PFN1: variants seen among roughly 807,000 people sequenced by gnomAD.
PFN1 encodes profilin-1.
In PFN1, 2 loss-of-function variants were observed where a neutral mutation model predicts 11.7. The observed-to-expected ratio is 0.17, with a 90% CI of 0.07 to 0.54. PFN1 has a LOEUF of 0.54. Among genes scored for constraint, PFN1 ranks in the 20% least tolerant of loss-of-function variants. PFN1 has a pLI of 0.94. For missense variants in PFN1, 97 were observed against 188.4 expected (o/e 0.51, Z 2.84); for synonymous variants, 78 against 76.2 (o/e 1.02, Z -0.12).
In PFN1 at chr17:4,945,713, C is replaced by CAA; in HGVS notation, c.*186_*187insTT. ...CCCCAAAAAACAAAAGTTTTCCAAC[C>CAA]ACACACGGGAGGGATATGGGTAGGG... On this transcript the variant is annotated 3_prime_UTR_variant, in exon 3 of 3. Coordinates refer to ENST00000225655, the MANE Select transcript of PFN1 (RefSeq NM_005022.4). 2 of 475,974 alleles carry CAA rather than the reference C, an allele frequency of 4.2e-6. No individual in the cohort carries two copies. The highest frequency in any genetic ancestry group is 8.4e-5 in the South Asian group (2 of 23,946). 29.5% of individuals were successfully genotyped at this position (475,974 alleles called of 1,614,324 possible). A position where few individuals can be genotyped will look rare whatever the true frequency, so the allele number is the denominator to read the frequency against.
In PFN1 at chr17:4,946,977, ACT is replaced by A. The variant is rs893214910; in HGVS notation, c.133-159_133-158del. ...AGTACACATCAATGAACTGTGAGAAACTCTGAGGACTGTGGGACGTTAGTGCA... is the reference window on the plus strand; with the variant it reads ...AGTACACATCAATGAACTGTGAGAAACTGAGGACTGTGGGACGTTAGTGCA... On this transcript the variant is annotated intron_variant, in intron 1 of 2. Transcript: ENST00000225655. The A allele has an allele frequency of 3.1e-5, 16 of 519,056 alleles. No homozygotes were observed. The East Asian group carries it at 3.3e-4, about 11-fold the overall frequency. 32.2% of individuals were successfully genotyped at this position (519,056 alleles called of 1,614,324 possible).
At chr17:4,947,919 C>T (rs1377421415) in intron 1 of PFN1, among the ~76,000 whole-genome samples, 1 of 152,200 alleles carries the variant, frequency 6.6e-6, no homozygotes. Flanking sequence ...CCTCTCAATC[C>T]CAATCCCCAG....
At chr17:4,947,901 C>G (rs1022942242) in intron 1 of PFN1, among the ~76,000 whole-genome samples, 2 of 152,174 alleles carry the variant, frequency 1.3e-5, no homozygotes, top group Non-Finnish European at 2.9e-5. Context: ...CCAAGGATCC[C>G]CGGGTCCCCT....
At chr17:4,946,034 AG>A (rs1567665274) in intron 2 of PFN1, 37 bp from the exon 3 acceptor site, 4 of 1,484,544 alleles carry the variant, frequency 2.7e-6, no homozygotes, top group Non-Finnish European at 3.8e-6. Flanking sequence ...GCTAGGATCC[AG>A]GTGTCACAAT....
rs569094456 is a variant in PFN1 at position 4,948,472 on chromosome 17, G to A, written c.-78C>T. ...CTCGAGCTGCCTCGGCTGGCGGGCG[G>A]GGGGAGGCGGAGAGCTCGGGGCACG... On this transcript the variant is annotated 5_prime_UTR_variant, in exon 1 of 3. Coordinates refer to ENST00000225655, the MANE Select transcript of PFN1 (RefSeq NM_005022.4). 4,382 of 1,450,210 alleles carry A rather than the reference G, an allele frequency of 3.0e-3. 77 individuals are homozygous for A. In the African/African-American group the frequency reaches 0.051, roughly 17 times the overall value. The allele number at this position is 1,450,210 out of a possible 1,614,324, so 89.8% of individuals were successfully genotyped here. A position where few individuals can be genotyped will look rare whatever the true frequency, so the allele number is the denominator to read the frequency against.
Position 4,948,370 on chromosome 17 carries a change from C to T in PFN1, c.25G>A (p.Asp9Asn). The change falls in exon 1 of 3, where the codon GAC becomes AAC. Residue 9 changes from aspartate (D) to asparagine (N), a missense_variant. Transcript: ENST00000225655. ...CAGGTCCCGTCCGCCATGAGGTTGT[C>T]GATGTAGGCGTTCCACCCGGCCATG... The part of the protein sequence containing the change: MAGWNAYI[D>N]NLMADGTCQD... The T allele has an allele frequency of 6.2e-7, 1 of 1,608,288 alleles. No individual in the cohort carries two copies.
rs550290912 is a variant in PFN1, at chr17:4,946,653, A to G, written c.300T>C (p.Asn100=). 1.9e-6 allele frequency: 3 copies of G among 1,613,280 alleles called. No homozygotes were observed. Among genetic ancestry groups the G allele is most frequent in the Non-Finnish European group, 2.5e-6 (3 of 1,179,494 alleles). ...TCTTGTCAGTCTTGGTGACAGTGAC[A>G]TTGAAGGTGGGGGCCCCACCGGTGC... The part of the protein sequence containing the change: ...TKSTGGAPTF[N]VTVTKTDKTL... Residue 100 remains asparagine, a synonymous_variant, in exon 2 of 3, where the codon AAT becomes AAC. Transcript: ENST00000225655.
At chr17:4,947,029 T>C (rs1172801783) in intron 1 of PFN1, 15 of 467,606 alleles carry the variant, frequency 3.2e-5, no homozygotes, top group East Asian at 2.1e-4. Context: ...TTCTGAAACT[T>C]AGAATATGGA....
At chr17:4,947,865 T>G (rs1396903369) in intron 1 of PFN1, among the ~76,000 whole-genome samples, 1 of 152,292 alleles carries the variant, frequency 6.6e-6, no homozygotes. Context: ...GGACGCGGGC[T>G]GGCAGCCGGA....
rs1000012325 is a variant in PFN1, at chr17:4,945,836, T to C, written c.*64A>G. ...GGCCCAAAAAATAAAATGGTTTGTG[T>C]GTGTATGGGGAGGAAAGGGGTGCAA... On this transcript the variant is annotated 3_prime_UTR_variant, in exon 3 of 3. Coordinates refer to ENST00000225655, the MANE Select transcript of PFN1 (RefSeq NM_005022.4). The C allele has an allele frequency of 9.4e-7, 1 of 1,061,148 alleles. No individual in the cohort carries two copies. Among genetic ancestry groups the C allele is most frequent in the African/African-American group, 1.6e-5 (1 of 64,080 alleles). The allele number at this position is 1,061,148 out of a possible 1,614,324, so 65.7% of individuals were successfully genotyped here. A position where few individuals can be genotyped will look rare whatever the true frequency, so the allele number is the denominator to read the frequency against.
intron 2 of PFN1, 82 bp from the exon 3 acceptor site, chr17:4,946,079 GCC>G: frequency 9.6e-7 from 1 of 1,040,662 alleles, no homozygotes; most frequent in Non-Finnish European, 1.5e-6. Flanking sequence ...CAGCTGTCCA[GCC>G]CTGGGGGCTG....
At chr17:4,947,140 G>A (rs1181651785) in intron 1 of PFN1, 1 of 156,972 alleles carries the variant, frequency 6.4e-6, no homozygotes, top group African/African-American at 2.5e-5. Context: ...AGGTAAGTGA[G>A]GAGCCTTTGG....
chr17:4,945,849 G>T lies in PFN1; in HGVS notation c.*51C>A. ...AAATGGTTTGTGTGTGTATGGGGAG[G>T]AAAGGGGTGCAAAGCTGTGGGGAGC... On this transcript the variant is annotated 3_prime_UTR_variant, in exon 3 of 3. Coordinates refer to ENST00000225655, the MANE Select transcript of PFN1 (RefSeq NM_005022.4). 8.4e-7 allele frequency: 1 copy of T among 1,190,156 alleles called. No individual in the cohort carries two copies. Among genetic ancestry groups the T allele is most frequent in the South Asian group, 1.2e-5 (1 of 82,466 alleles). The allele number at this position is 1,190,156 out of a possible 1,614,324, so 73.7% of individuals were successfully genotyped here.
intron 1 of PFN1, chr17:4,947,068 C>T (rs1279701388): frequency 2.6e-6 from 1 of 377,438 alleles, no homozygotes; most frequent in Non-Finnish European, 4.7e-6. Flanking sequence ...ACATACTCCT[C>T]TAGAGATTTA....
rs1345779550 is a variant in PFN1, at chr17:4,945,894, A to G, written c.*6T>C. 1.9e-6 allele frequency: 3 copies of G among 1,560,748 alleles called. No individual in the cohort carries two copies. Among genetic ancestry groups the G allele is most frequent in the Non-Finnish European group, 2.7e-6 (3 of 1,131,466 alleles). On this transcript the variant is annotated 3_prime_UTR_variant, in exon 3 of 3. Coordinates refer to ENST00000225655, the MANE Select transcript of PFN1 (RefSeq NM_005022.4). Reference sequence around the variant, plus strand: ...GGGAGCGGTGAAGGGGAAGGGACAGACGAGGTCAGTACTGGGAACGCCGAA... The same window carrying G: ...GGGAGCGGTGAAGGGGAAGGGACAGGCGAGGTCAGTACTGGGAACGCCGAA...
Position 4,945,703 on chromosome 17 carries a change from G to GT in PFN1, c.*196dup, listed in dbSNP as rs1971368510. 2.1e-6 allele frequency: 1 copy of GT among 472,454 alleles called. No individual in the cohort carries two copies. Among genetic ancestry groups the GT allele is most frequent in the East Asian group, 3.3e-5 (1 of 29,976 alleles). The allele number at this position is 472,454 out of a possible 1,614,324, so 29.3% of individuals were successfully genotyped here. A position where few individuals can be genotyped will look rare whatever the true frequency, so the allele number is the denominator to read the frequency against. On this transcript the variant is annotated 3_prime_UTR_variant, in exon 3 of 3. Transcript: ENST00000225655. ...AAAAAAAAAACCCCAAAAAACAAAA[G>GT]TTTTCCAACCACACACGGGAGGGAT...
chr17:4,947,673 AG>A (rs1334403469), intron 1 of PFN1, among the ~76,000 whole-genome samples: 1 of 152,128 alleles, frequency 6.6e-6, no homozygotes, highest in Non-Finnish European at 1.5e-5. Context: ...AGGGAGGGCG[AG>A]GGGACTTCCG....
chr17:4,947,664 G>A (rs1037008679), intron 1 of PFN1, among the ~76,000 whole-genome samples: 2 of 152,232 alleles, frequency 1.3e-5, no homozygotes, highest in Admixed American at 6.5e-5. Context: ...ATGGCGGGAA[G>A]GGAGGGCGAG....
At chr17:4,948,066 C>T (rs1457090322) in intron 1 of PFN1, 197 bp downstream of exon 1, 1 of 520,988 alleles carries the variant, frequency 1.9e-6, no homozygotes. Context: ...GCGGGATGGG[C>T]GCCGCCGCCT....
Sources: gnomAD v4.1 joint callset for allele counts (sites outside exome capture counted in the v4.1 genomes callset) on GRCh38, gnomAD v4.1.1 for gene constraint, MANE v1.5 for transcripts, NCBI Gene and HGNC (gene_info 2026-07-23, HGNC 2026-07-21) for gene names.